FBXL7: variants seen among roughly 807,000 people sequenced by gnomAD.
FBXL7 encodes the protein F-box and leucine rich repeat protein 7, also known as F-box/LRR-repeat protein 7.
A neutral mutation model predicts 38.3 loss-of-function variants in FBXL7; 12 were observed. The observed-to-expected ratio is 0.31, with a 90% CI of 0.20 to 0.51. The LOEUF is 0.51. Among genes scored for constraint, FBXL7 ranks in the 20% least tolerant of loss-of-function variants. The pLI, the probability that FBXL7 is intolerant of heterozygous loss-of-function variation, is 0.98. For synonymous variants in FBXL7, 297 were observed against 300.9 expected (o/e 0.99, Z 0.13); for missense variants, 567 against 676.4 (o/e 0.84, Z 1.79).
chr5:15,749,509 C>A (rs1190176522), intron 2 of FBXL7, among the ~76,000 whole-genome samples: 1 of 151,894 alleles, frequency 6.6e-6, no homozygotes, highest in African/African-American at 2.4e-5. Context: ...CGCCCGTAGT[C>A]CCAGCTACTC....
At chr5:15,563,915 T>A (rs949312487) in intron 1 of FBXL7, among the ~76,000 whole-genome samples, 1 of 151,596 alleles carries the variant, frequency 6.6e-6, no homozygotes, top group Non-Finnish European at 1.5e-5. Flanking sequence ...CAAAAAAAAA[T>A]GGGTGCTTAT....
chr5:15,702,670 A>AT lies in FBXL7; in HGVS notation c.127+86600dup, dbSNP rs537040641. 4.9e-4 allele frequency among the ~76,000 whole-genome samples: 74 copies of AT among 152,314 alleles called. No individual in the cohort carries two copies. In the East Asian group the frequency reaches 0.014, roughly 28 times the overall value. On this transcript the variant is annotated intron_variant, in intron 2 of 3. Transcript: ENST00000504595. ...GCACTTTATGGCTAACACATTGGAAATTGTTGACATTTCTAGTTGACTCTT... is the reference window on the plus strand; with the variant it reads ...GCACTTTATGGCTAACACATTGGAAATTTGTTGACATTTCTAGTTGACTCTT...
intron 1 of FBXL7, 130 bp downstream of exon 1, chr5:15,500,843 C>T (rs1435615268): frequency 1.8e-6 from 2 of 1,108,750 alleles, no homozygotes; most frequent in Non-Finnish European, 2.6e-6. Context: ...GTCTGGGTCA[C>T]CACCTTCTCC....
intron 2 of FBXL7, among the ~76,000 whole-genome samples, chr5:15,711,991 C>A (rs1743890329): frequency 6.6e-6 from 1 of 152,108 alleles, no homozygotes; most frequent in African/African-American, 2.4e-5. Context: ...TCTGAAATGC[C>A]ATTATGAACA....
chr5:15,876,965 T>C, intron 2 of FBXL7, among the ~76,000 whole-genome samples: 1 of 152,174 alleles, frequency 6.6e-6, no homozygotes. Flanking sequence ...TCCTCTAAAG[T>C]TTTGTATGTC....
In FBXL7 at chr5:15,933,744, G is replaced by A. The variant is rs117089448; in HGVS notation, c.740-2706G>A. 2.0e-5 allele frequency among the ~76,000 whole-genome samples: 3 copies of A among 152,098 alleles called. No homozygotes were observed. In the East Asian group the frequency reaches 5.8e-4, roughly 30 times the overall value. ...GGCCTGAGTGTCTAAGAGTTTCCTGGGCAGCCTACCAGGAGGTGGGAGGAA... is the reference window on the plus strand; with the variant it reads ...GGCCTGAGTGTCTAAGAGTTTCCTGAGCAGCCTACCAGGAGGTGGGAGGAA... On this transcript the variant is annotated intron_variant, in intron 3 of 3. Transcript: ENST00000504595.
chr5:15,937,031 A>G lies in FBXL7; in HGVS notation c.1321A>G (p.Ile441Val), dbSNP rs937877290. Residue 441 changes from isoleucine (I) to valine (V), a missense_variant, in exon 4 of 4, where the codon ATC becomes GTC. Physicochemically the swap from Ile to Val is conservative, Grantham distance 29. Transcript: ENST00000504595. ...GCTCAGCCTCAAGTCCTGCGAGAGC[A>G]TCACCGGCCAGGGCTTGCAGATCGT... ...KRLSLKSCES[I>V]TGQGLQIVAA... is the part of the protein sequence containing the mutation. The G allele has an allele frequency of 6.2e-7, 1 of 1,614,024 alleles. No homozygotes were observed. Among genetic ancestry groups the G allele is most frequent in the African/African-American group, 1.3e-5 (1 of 75,070 alleles).
chr5:15,771,601 C>T (rs575485813), intron 2 of FBXL7, among the ~76,000 whole-genome samples: 1 of 152,016 alleles, frequency 6.6e-6, no homozygotes, highest in East Asian at 1.9e-4. Flanking sequence ...AATCTGAATT[C>T]CCGGCCAGCT....
intron 2 of FBXL7, among the ~76,000 whole-genome samples, chr5:15,821,508 C>A (rs956863259): frequency 6.6e-6 from 1 of 152,172 alleles, no homozygotes; most frequent in Non-Finnish European, 1.5e-5. Context: ...GGATGTTGGG[C>A]AATTTACTTA....
chr5:15,713,239 AG>A (rs1309660039), intron 2 of FBXL7, among the ~76,000 whole-genome samples: 1 of 152,188 alleles, frequency 6.6e-6, no homozygotes, highest in Non-Finnish European at 1.5e-5. Context: ...ATCAAGTAAA[AG>A]GGAAACTCTT....
At position 15,562,648 on chromosome 5, in the gene FBXL7, C is replaced by T. The variant is rs538280151; in HGVS notation, c.38-53335C>T. 2.4e-4 allele frequency among the ~76,000 whole-genome samples: 36 copies of T among 152,052 alleles called. No homozygotes were observed. The South Asian group carries it at 7.3e-3, about 31-fold the overall frequency. On this transcript the variant is annotated intron_variant, in intron 1 of 3. Coordinates refer to ENST00000504595, the MANE Select transcript of FBXL7 (RefSeq NM_012304.5). ...CTTGCTCGTCTGTCTGCTTCCCTCC[C>T]TATATCTCTCTCCCTCAGTTTCTCT...
At chr5:15,652,391 C>A (rs112578833) in intron 2 of FBXL7, among the ~76,000 whole-genome samples, 1 of 152,020 alleles carries the variant, frequency 6.6e-6, no homozygotes, top group South Asian at 2.1e-4. Flanking sequence ...CTCAGCCTCC[C>A]GAGTAGCTGG....
chr5:15,537,501 G>A (rs1263726224), intron 1 of FBXL7, among the ~76,000 whole-genome samples: 1 of 152,238 alleles, frequency 6.6e-6, no homozygotes, highest in Non-Finnish European at 1.5e-5. Context: ...GAATACAAAA[G>A]TGGATATTCT....
chr5:15,588,535 C>T lies in FBXL7; in HGVS notation c.38-27448C>T, dbSNP rs373516787. On this transcript the variant is annotated intron_variant, in intron 1 of 3. Coordinates refer to ENST00000504595, the MANE Select transcript of FBXL7 (RefSeq NM_012304.5). ...CTGAGTAGCTGGGGTTACAGGCTCCCACCACCACGTCTGGCTAATTTTTGT... is the reference window on the plus strand; with the variant it reads ...CTGAGTAGCTGGGGTTACAGGCTCCTACCACCACGTCTGGCTAATTTTTGT... 1.2e-3 allele frequency among the ~76,000 whole-genome samples: 186 copies of T among 152,084 alleles called. 10 individuals carry two copies. In the South Asian group the frequency reaches 0.037, roughly 31 times the overall value.
intron 2 of FBXL7, among the ~76,000 whole-genome samples, chr5:15,711,012 G>A (rs2126642409): frequency 6.6e-6 from 1 of 152,250 alleles, no homozygotes; most frequent in East Asian, 1.9e-4. Context: ...CTCTTGATAA[G>A]TTTCACGAGA....
At chr5:15,650,093 C>T (rs577080997) in intron 2 of FBXL7, among the ~76,000 whole-genome samples, 223 of 152,238 alleles carry the variant, frequency 1.5e-3, no homozygotes, top group Non-Finnish European at 2.5e-3. Context: ...TTCTATCATG[C>T]TTTCTGGAGT....
At chr5:15,711,330 G>GTCATTTGTA (rs1281740684) in intron 2 of FBXL7, among the ~76,000 whole-genome samples, 3 of 152,166 alleles carry the variant, frequency 2.0e-5, no homozygotes, top group African/African-American at 4.8e-5. Context: ...GTGGCATTCT[G>GTCATTTGTA]TCATTTGTAT....
At chr5:15,569,493 G>A (rs1256451953) in intron 1 of FBXL7, among the ~76,000 whole-genome samples, 5 of 151,560 alleles carry the variant, frequency 3.3e-5, no homozygotes, top group Non-Finnish European at 5.9e-5. Context: ...ATTTTGGGCT[G>A]AGACGATGGG....
chr5:15,823,320 T>C (rs560080919), intron 2 of FBXL7, among the ~76,000 whole-genome samples: 2 of 152,278 alleles, frequency 1.3e-5, no homozygotes, highest in African/African-American at 4.8e-5. Flanking sequence ...ATTTAACAAG[T>C]ATAATCATTA....
Sources: gnomAD v4.1 joint callset for allele counts (sites outside exome capture counted in the v4.1 genomes callset) on GRCh38, gnomAD v4.1.1 for gene constraint, MANE v1.5 for transcripts, NCBI Gene and HGNC (gene_info 2026-07-23, HGNC 2026-07-21) for gene names.